Variants in TMEM208 observed in about 807,000 individuals in gnomAD.
TMEM208 encodes transmembrane protein 208.
Under a neutral mutation model 26.4 loss-of-function variants are expected in TMEM208, and 19 were observed. The observed-to-expected ratio is 0.72, with a 90% CI of 0.50 to 1.06. TMEM208 has a LOEUF of 1.06. TMEM208 is among the 50% of genes least tolerant of loss of function. The probability of loss-of-function intolerance (pLI) is 0.00; values close to 1 mark genes in which losing one functional copy is unlikely to be tolerated. For missense variants in TMEM208, 183 were observed against 219.8 expected (o/e 0.83, Z 1.06); for synonymous variants, 93 against 83.1 (o/e 1.12, Z -0.65).
chr16:67,227,839 A>G lies in TMEM208; in HGVS notation c.10A>G (p.Lys4Glu), dbSNP rs1179555587. 1 of 1,606,974 alleles carries G rather than the reference A, an allele frequency of 6.2e-7. No homozygotes were observed. Among genetic ancestry groups the G allele is most frequent in the Non-Finnish European group, 8.5e-7 (1 of 1,176,670 alleles). MAP[K>E]GKVGTRGKKQ... The stretch of plus-strand genomic sequence containing the variant: ...GCATCTCATCATTCCTCTGCAGCCC[A>G]AGGGCAAAGTGGGCACGAGAGGGAA... Residue 4 changes from lysine (K) to glutamate (E), a missense_variant, in exon 2 of 6, where the codon AAG becomes GAG. Physicochemically the swap from Lys to Glu is moderately conservative, Grantham distance 56. Transcript: ENST00000304800.
chr16:67,228,414 G>T lies in TMEM208; in HGVS notation c.162G>T (p.Trp54Cys). ...FFYSSASFWAWLALGFSLAVY... is the reference protein window; with the variant it reads ...FFYSSASFWACLALGFSLAVY... ...ACTCATCTGCCTCATTTTGGGCCTG[G>T]GTAAGTATCTCCATCCTGGGAGGTG... Residue 54 changes from tryptophan to cysteine, a missense_variant and splice_region_variant, in exon 3 of 6, where the codon TGG becomes TGT. Coordinates refer to ENST00000304800, the MANE Select transcript of TMEM208 (RefSeq NM_014187.4). The T allele has an allele frequency of 6.2e-7, 1 of 1,613,966 alleles. No individual in the cohort carries two copies. The highest frequency in any genetic ancestry group is 8.5e-7 in the Non-Finnish European group (1 of 1,179,878).
At chr16:67,227,296 A>AAGAACATTAAGGGATATGGGGTGGGCC in intron 1 of TMEM208, 72 bp downstream of exon 1, 2 of 1,572,216 alleles carry the variant, frequency 1.3e-6, no homozygotes, top group Non-Finnish European at 1.7e-6. Context: ...AAAACTGAGA[A>AAGAACATTAAGGGATATGGGGTGGGCC]AGAACATTAA....
At chr16:67,228,256 C>T (rs985982056) in intron 2 of TMEM208, 99 bp from the exon 3 acceptor site, 1 of 1,359,474 alleles carries the variant, frequency 7.4e-7, no homozygotes, top group East Asian at 2.3e-5. Flanking sequence ...AACAACCTTG[C>T]TCCTCCCACA....
Position 67,227,895 on chromosome 16 carries a change from T to A in TMEM208, c.66T>A (p.Thr22=). 3.1e-6 allele frequency: 5 copies of A among 1,611,636 alleles called. No individual in the cohort carries two copies. The highest frequency in any genetic ancestry group is 4.2e-6 in the Non-Finnish European group (5 of 1,178,874). ...AGATATTTGAAGAGAACAGAGAGAC[T>A]CTGAAGTTCTACCTGCGGATCATAC... ...KKQIFEENRE[T]LKFYLRIILG... The change falls in exon 2 of 6, where the codon ACT becomes ACA. Residue 22 remains threonine (T), a synonymous_variant. Transcript: ENST00000304800.
Position 67,229,195 on chromosome 16 carries a change from G to A in TMEM208, c.*82G>A. On this transcript the variant is annotated 3_prime_UTR_variant, in exon 6 of 6. Coordinates refer to ENST00000304800, the MANE Select transcript of TMEM208 (RefSeq NM_014187.4). ...GCCCCTCATGCCTGGAGCAATGAGG[G>A]TCTAGTCCAGGGGCCAAAAGCAGTC... 7.0e-7 allele frequency: 1 copy of A among 1,438,710 alleles called. No homozygotes were observed. The highest frequency in any genetic ancestry group is 9.4e-7 in the Non-Finnish European group (1 of 1,069,010). The allele number at this position is 1,438,710 out of a possible 1,614,324, so 89.1% of individuals were successfully genotyped here. A position where few individuals can be genotyped will look rare whatever the true frequency, so the allele number is the denominator to read the frequency against.
rs1288806423 is a variant in TMEM208, at chr16:67,228,188, CAG to C, written c.103-164_103-163del. On this transcript the variant is annotated intron_variant, in intron 2 of 5. Transcript: ENST00000304800. ...TTCTTTCCTGGGCTGAGTTGGGTGT[CAG>C]AGGAGAGTGGGTATTTGGGATTCAG... The C allele has an allele frequency of 3.2e-4, 246 of 771,490 alleles. 1 individual carries two copies. The highest frequency in any genetic ancestry group is 3.0e-3 in the South Asian group (184 of 61,098). 47.8% of individuals were successfully genotyped at this position (771,490 alleles called of 1,614,324 possible).
chr16:67,227,210 C>G lies in TMEM208; in HGVS notation c.-9C>G, dbSNP rs574376433. 1.2e-6 allele frequency: 2 copies of G among 1,612,206 alleles called. No homozygotes were observed. Among genetic ancestry groups the G allele is most frequent in the Admixed American group, 3.3e-5 (2 of 59,814 alleles). On this transcript the variant is annotated 5_prime_UTR_variant, in exon 1 of 6. Transcript: ENST00000304800. ...CCGTGTTTCCCGGGCTGGGTATTTG[C>G]CTCGCACCATGGCGGTAAGGAGGAT...
Position 67,228,638 on chromosome 16 carries a change from G to A in TMEM208, c.299+7G>A. On this transcript the variant is annotated splice_region_variant and intron_variant, in intron 4 of 5. Coordinates refer to ENST00000304800, the MANE Select transcript of TMEM208 (RefSeq NM_014187.4). The stretch of plus-strand genomic sequence containing the variant: ...TGGAGCAGGGCATGGCAGAGTGAGT[G>A]TCCCCCACCGCCAGCCCAGGTGAGC... 1 of 1,555,346 alleles carries A rather than the reference G, an allele frequency of 6.4e-7. No individual in the cohort carries two copies. The highest frequency in any genetic ancestry group is 8.7e-7 in the Non-Finnish European group (1 of 1,148,992).
rs1140380 is a variant in TMEM208, at chr16:67,228,872, C to T, written c.375C>T (p.Phe125=). Residue 125 remains phenylalanine, a synonymous_variant, in exon 5 of 6, where the codon TTC becomes TTT. Transcript: ENST00000304800. ...GCTTCTCTCTCTATGTCTGGTCCTT[C>T]TGGCTTCTGGTATGTGGGCTGGGGG... is the stretch of plus-strand genomic sequence containing the variant. The part of the protein sequence containing the change: ...LSCFSLYVWS[F]WLLAPGRALY... 0.017 allele frequency: 27,402 copies of T among 1,613,864 alleles called. 3,737 individuals carry two copies. In the African/African-American group the frequency reaches 0.31, roughly 18 times the overall value.
chr16:67,227,351 C>G, intron 1 of TMEM208, 127 bp downstream of exon 1: 2 of 1,355,244 alleles, frequency 1.5e-6, no homozygotes, highest in Non-Finnish European at 2.0e-6. Flanking sequence ...CTGGCCAGAC[C>G]GTGCTAGAGC....
At position 67,227,167 on chromosome 16, in the gene TMEM208, G is replaced by A; in HGVS notation, c.-52G>A. ...GCTGCCGATGTGGTGCTTAGTGATTGCGGTTTCGGTCGCTCTCCCGTGTTT... is the reference window on the plus strand; with the variant it reads ...GCTGCCGATGTGGTGCTTAGTGATTACGGTTTCGGTCGCTCTCCCGTGTTT... On this transcript the variant is annotated 5_prime_UTR_variant, in exon 1 of 6. Transcript: ENST00000304800. 1 of 1,607,898 alleles carries A rather than the reference G, an allele frequency of 6.2e-7. No homozygotes were observed. The highest frequency in any genetic ancestry group is 2.2e-5 in the East Asian group (1 of 44,776).
chr16:67,229,121 C>T lies in TMEM208; in HGVS notation c.*8C>T. On this transcript the variant is annotated 3_prime_UTR_variant, in exon 6 of 6. Coordinates refer to ENST00000304800, the MANE Select transcript of TMEM208 (RefSeq NM_014187.4). ...CAGATGAAGCGGTTATAGCCATTGA[C>T]ATTGTGGCCACAGGCCACTGGCCCT... 3 of 1,586,030 alleles carry T rather than the reference C, an allele frequency of 1.9e-6. 1 individual carries two copies. Among genetic ancestry groups the T allele is most frequent in the Non-Finnish European group, 1.7e-6 (2 of 1,166,446 alleles).
Position 67,229,197 on chromosome 16 carries a change from C to A in TMEM208, c.*84C>A. The A allele has an allele frequency of 7.0e-7, 1 of 1,426,020 alleles. No individual in the cohort carries two copies. The highest frequency in any genetic ancestry group is 2.4e-5 in the Admixed American group (1 of 41,434). 88.3% of individuals were successfully genotyped at this position (1,426,020 alleles called of 1,614,324 possible). On this transcript the variant is annotated 3_prime_UTR_variant, in exon 6 of 6. Coordinates refer to ENST00000304800, the MANE Select transcript of TMEM208 (RefSeq NM_014187.4). Reference sequence around the variant, plus strand: ...CCCTCATGCCTGGAGCAATGAGGGTCTAGTCCAGGGGCCAAAAGCAGTCTG... The same window carrying A: ...CCCTCATGCCTGGAGCAATGAGGGTATAGTCCAGGGGCCAAAAGCAGTCTG...
chr16:67,229,000 C>A lies in TMEM208; in HGVS notation c.409C>A (p.Leu137Met). Reference sequence around the variant, plus strand: ...GGCTCCAGGCCGGGCCCTTTACCTCCTGTGGGTGAATGTGCTGGGCCCCTG... The same window carrying A: ...GGCTCCAGGCCGGGCCCTTTACCTCATGTGGGTGAATGTGCTGGGCCCCTG... The part of the protein sequence containing the change: ...LLAPGRALYL[L>M]WVNVLGPWFT... The change falls in exon 6 of 6, where the codon CTG becomes ATG. Residue 137 changes from leucine (L) to methionine (M), a missense_variant. Transcript: ENST00000304800. 2 of 1,610,050 alleles carry A rather than the reference C, an allele frequency of 1.2e-6. No individual in the cohort carries two copies. The highest frequency in any genetic ancestry group is 1.7e-6 in the Non-Finnish European group (2 of 1,177,082).
chr16:67,228,769 G>C lies in TMEM208; in HGVS notation c.300-28G>C, dbSNP rs750610358. The C allele has an allele frequency of 2.5e-6, 4 of 1,603,366 alleles. No individual in the cohort carries two copies. The South Asian group carries it at 4.4e-5, about 18-fold the overall frequency. On this transcript the variant is annotated intron_variant, in intron 4 of 5. Coordinates refer to ENST00000304800, the MANE Select transcript of TMEM208 (RefSeq NM_014187.4). ...AAAAGGGTGGAAGGGCCCATATGCTGTCTTTCCAGCTTTATTTCTATCCAC... is the reference window on the plus strand; with the variant it reads ...AAAAGGGTGGAAGGGCCCATATGCTCTCTTTCCAGCTTTATTTCTATCCAC...
Position 67,228,611 on chromosome 16 carries a change from C to T in TMEM208, c.279C>T (p.Asn93=), listed in dbSNP as rs377312539. 1.3e-6 allele frequency: 2 copies of T among 1,590,370 alleles called. No individual in the cohort carries two copies. The highest frequency in any genetic ancestry group is 1.7e-6 in the Non-Finnish European group (2 of 1,166,682). ...TGATGGATGGTGGCATGGACCTCAA[C>T]ATGGAGCAGGGCATGGCAGAGTGAG... ...GALMDGGMDL[N]MEQGMAEHLK... The change falls in exon 4 of 6, where the codon AAC becomes AAT. Residue 93 remains asparagine, a synonymous_variant. Transcript: ENST00000304800.
intron 2 of TMEM208, 75 bp from the exon 3 acceptor site, chr16:67,228,280 C>T (rs377443742): frequency 2.0e-6 from 3 of 1,530,884 alleles, no homozygotes; most frequent in African/African-American, 1.4e-5. Context: ...TGGCCTAATT[C>T]TTGGTCAGAG....
At chr16:67,227,449 A>T (rs1480087663) in intron 1 of TMEM208, among the ~76,000 whole-genome samples, 3 of 152,196 alleles carry the variant, frequency 2.0e-5, no homozygotes, top group Non-Finnish European at 4.4e-5. Context: ...CAGAGATCTA[A>T]GTGACCTGAG....
rs749947301 is a variant in TMEM208 at position 67,228,993 on chromosome 16, T to C, written c.402T>C (p.Leu134=). 1.9e-5 allele frequency: 30 copies of C among 1,609,368 alleles called. No individual in the cohort carries two copies. In the Admixed American group the frequency reaches 4.5e-4, roughly 24 times the overall value. The change falls in exon 6 of 6, where the codon CTT becomes CTC. Residue 134 remains leucine, a synonymous_variant. Transcript: ENST00000304800. ...SFWLLAPGRA[L]YLLWVNVLGP... ...TCTTGTAGGCTCCAGGCCGGGCCCT[T>C]TACCTCCTGTGGGTGAATGTGCTGG... is the stretch of plus-strand genomic sequence containing the variant.
Sources: allele counts gnomAD v4.1 joint callset (sites outside exome capture counted in the v4.1 genomes callset), GRCh38; gene constraint gnomAD v4.1.1; transcripts MANE v1.5; gene names NCBI Gene and HGNC (gene_info 2026-07-23, HGNC 2026-07-21).